CRX: variants seen among roughly 807,000 people sequenced by gnomAD.
CRX encodes cone-rod homeobox, also known as cone-rod homeobox protein.
Under a neutral mutation model 13.1 loss-of-function variants are expected in CRX, and 5 were observed. That is an observed-to-expected ratio of 0.38 (90% confidence interval 0.20 to 0.80). CRX has a LOEUF of 0.80. Among genes scored for constraint, CRX ranks in the 30% least tolerant of loss-of-function variants. The pLI is 0.43. For missense variants in CRX, 351 were observed against 391.8 expected (o/e 0.90, Z 0.88); for synonymous variants, 179 against 171.1 (o/e 1.05, Z -0.36).
intron 1 of CRX, among the ~76,000 whole-genome samples, chr19:47,828,738 G>C (rs1968007200): frequency 6.6e-6 from 1 of 151,738 alleles, no homozygotes; most frequent in African/African-American, 2.4e-5. Context: ...TGGGGGAGAG[G>C]CGTTCCTAGC....
rs1250320962 is a variant in CRX, at chr19:47,839,813, C to T, written c.746C>T (p.Ser249Phe). ...GPSVGPSLAQ[S>F]PTSLSGQSYG... ...TCCGTGGGACCTTCCCTGGCCCAGT[C>T]CCCCACCTCCCTATCAGGCCAGAGC... Residue 249 changes from serine to phenylalanine, a missense_variant, in exon 4 of 4, where the codon TCC (serine) becomes TTC (phenylalanine). This residue lies in a region of CRX where 253 missense variants were observed against 268.3 expected (regional missense o/e 0.94). Coordinates refer to ENST00000221996, the MANE Select transcript of CRX (RefSeq NM_000554.6). This position sits in a 1 kb window ranked among gnomAD's most constrained non-coding sequence, Gnocchi z 4.6. The T allele has an allele frequency of 1.9e-6, 3 of 1,614,102 alleles. No individual in the cohort carries two copies. Among genetic ancestry groups the T allele is most frequent in the Non-Finnish European group, 2.5e-6 (3 of 1,180,028 alleles).
At chr19:47,824,416 A>G (rs974563245) in intron 1 of CRX, among the ~76,000 whole-genome samples, 1 of 152,140 alleles carries the variant, frequency 6.6e-6, no homozygotes, top group Non-Finnish European at 1.5e-5. Flanking sequence ...CGTGCGAGAC[A>G]GAACTGGAGA....
At chr19:47,829,915 G>A (rs978152598) in intron 1 of CRX, among the ~76,000 whole-genome samples, 5 of 151,710 alleles carry the variant, frequency 3.3e-5, no homozygotes, top group African/African-American at 4.8e-5. Context: ...GATTATAGGT[G>A]TGAGACACAG....
At chr19:47,823,344 G>A (rs1264563582) in intron 1 of CRX, among the ~76,000 whole-genome samples, 1 of 152,210 alleles carries the variant, frequency 6.6e-6, no homozygotes, top group Non-Finnish European at 1.5e-5. Flanking sequence ...AGCGAGGGCT[G>A]TGATTGCCAC....
intron 2 of CRX, among the ~76,000 whole-genome samples, chr19:47,835,698 T>C (rs1308744230): frequency 6.9e-6 from 1 of 145,250 alleles, no homozygotes; most frequent in Non-Finnish European, 1.5e-5. Flanking sequence ...CTTGGCTCAC[T>C]GCAACCTCTG....
chr19:47,821,985 G>A lies in CRX; in HGVS notation c.-61G>A, dbSNP rs939296797. On this transcript the variant is annotated 5_prime_UTR_variant, in exon 1 of 4. Transcript: ENST00000221996. ...GCTCTGTCTAGGTCCTGGGCCACGG[G>A]AGAGCCCCGTCCCTCCTTTCTGAAG... is the stretch of plus-strand genomic sequence containing the variant. 1 of 152,760 alleles carries A rather than the reference G, an allele frequency of 6.5e-6. No homozygotes were observed. Among genetic ancestry groups the A allele is most frequent in the Non-Finnish European group, 1.5e-5 (1 of 68,124 alleles). 9.5% of individuals were successfully genotyped at this position (152,760 alleles called of 1,614,324 possible).
In CRX at chr19:47,839,631, C is replaced by T. The variant is rs148622001; in HGVS notation, c.564C>T (p.Ser188=). Residue 188 remains serine (S), a synonymous_variant, in exon 4 of 4, where the codon TCC becomes TCT. Coordinates refer to ENST00000221996, the MANE Select transcript of CRX (RefSeq NM_000554.6). The surrounding 1 kb of genome is among the most constrained non-coding windows in gnomAD (Gnocchi z 4.6). ...GLVASGPSLT[S]APYAMTYAPA... is the part of the protein sequence containing the mutation. ...TGGCCTCAGGGCCGTCTCTGACCTC[C>T]GCCCCCTATGCCATGACCTACGCCC... 2.2e-5 allele frequency: 35 copies of T among 1,613,070 alleles called. No homozygotes were observed. Among genetic ancestry groups the T allele is most frequent in the African/African-American group, 2.0e-4 (15 of 74,914 alleles).
At chr19:47,833,828 G>GC (rs2039770585) in intron 1 of CRX, among the ~76,000 whole-genome samples, 2 of 151,696 alleles carry the variant, frequency 1.3e-5, no homozygotes, top group Admixed American at 6.6e-5. Context: ...GATTTGTTTT[G>GC]TTTTTTTCTT....
At chr19:47,823,173 G>C (rs543353087) in intron 1 of CRX, among the ~76,000 whole-genome samples, 1 of 152,224 alleles carries the variant, frequency 6.6e-6, no homozygotes, top group Non-Finnish European at 1.5e-5. Flanking sequence ...TGTCTGTCTT[G>C]CTCTCGGCTG....
At chr19:47,825,401 C>T (rs62131916) in intron 1 of CRX, among the ~76,000 whole-genome samples, 30,576 of 152,072 alleles carry the variant, frequency 0.2, 3,327 homozygotes, top group Non-Finnish European at 0.23. Context: ...GCTGGGATTA[C>T]AGGTACGTGC....
At chr19:47,824,543 T>G (rs950458855) in intron 1 of CRX, among the ~76,000 whole-genome samples, 3 of 152,158 alleles carry the variant, frequency 2.0e-5, no homozygotes, top group Non-Finnish European at 4.4e-5. Context: ...CCAAGGTCCA[T>G]GGTGCATGCA....
chr19:47,822,710 C>G (rs1275917324), intron 1 of CRX, among the ~76,000 whole-genome samples: 2 of 152,226 alleles, frequency 1.3e-5, no homozygotes, highest in Non-Finnish European at 2.9e-5. Flanking sequence ...AGCCCAGGCT[C>G]TACTTCGGGA....
chr19:47,839,790 C>G lies in CRX; in HGVS notation c.723C>G (p.Ser241=), dbSNP rs770257260. Residue 241 remains serine, a synonymous_variant, in exon 4 of 4, where the codon TCC becomes TCG. Transcript: ENST00000221996. This position sits in a 1 kb window ranked among gnomAD's most constrained non-coding sequence, Gnocchi z 4.6. The part of the protein sequence containing the change: ...GPALSPLSGP[S]VGPSLAQSPT... ...CTCTTAGCCCCCTCTCTGGCCCCTCCGTGGGACCTTCCCTGGCCCAGTCCC... is the reference window on the plus strand; with the variant it reads ...CTCTTAGCCCCCTCTCTGGCCCCTCGGTGGGACCTTCCCTGGCCCAGTCCC... The G allele has an allele frequency of 1.2e-5, 19 of 1,614,022 alleles. No homozygotes were observed. Among genetic ancestry groups the G allele is most frequent in the Non-Finnish European group, 1.5e-5 (18 of 1,180,014 alleles).
intron 1 of CRX, among the ~76,000 whole-genome samples, chr19:47,833,223 C>T (rs1007080035): frequency 2.6e-5 from 4 of 151,288 alleles, no homozygotes; most frequent in Non-Finnish European, 5.9e-5. Context: ...CAGGTGTGAG[C>T]CGCCTTGCTT....
chr19:47,823,015 C>T (rs749670509), intron 1 of CRX, among the ~76,000 whole-genome samples: 2 of 151,984 alleles, frequency 1.3e-5, no homozygotes, highest in Non-Finnish European at 2.9e-5. Context: ...AGGCTGGTCT[C>T]GAACTCCTGA....
At chr19:47,831,444 G>T (rs999155700) in intron 1 of CRX, among the ~76,000 whole-genome samples, 1 of 151,936 alleles carries the variant, frequency 6.6e-6, no homozygotes, top group Admixed American at 6.6e-5. Context: ...CCTGAGCCCC[G>T]CCTCCTGTCA....
chr19:47,837,431 C>T (rs761220753), intron 3 of CRX, among the ~76,000 whole-genome samples: 3 of 151,886 alleles, frequency 2.0e-5, no homozygotes, highest in South Asian at 2.1e-4. Context: ...CCTTCCAGAG[C>T]GCTGGGATTA....
At chr19:47,835,409 C>T (rs528211106) in intron 2 of CRX, among the ~76,000 whole-genome samples, 7 of 150,806 alleles carry the variant, frequency 4.6e-5, no homozygotes, top group Non-Finnish European at 8.9e-5. Context: ...ACAGTTTAGA[C>T]GGAGTTTCGC....
At chr19:47,829,804 A>ATT (rs71180889) in intron 1 of CRX, among the ~76,000 whole-genome samples, 71,271 of 141,510 alleles carry the variant, frequency 0.5, 18,093 homozygotes, top group Middle Eastern at 0.65. Context: ...CAATTTTTGT[A>ATT]TTTTTTTTTT....
Sources: gnomAD v4.1 joint callset for allele counts (sites outside exome capture counted in the v4.1 genomes callset) on GRCh38, gnomAD v4.1.1 for gene constraint, gnomAD v4.1.1 regional missense constraint, Gnocchi (gnomAD v3.1) non-coding constraint, MANE v1.5 for transcripts, NCBI Gene and HGNC (gene_info 2026-07-23, HGNC 2026-07-21) for gene names.